The following FOXP1 variants were observed in gnomAD, a reference collection of about 807,000 sequenced individuals.
The protein encoded by FOXP1 is forkhead box protein P1.
A neutral mutation model predicts 98.2 loss-of-function variants in FOXP1; 15 were observed. The ratio of observed to expected loss-of-function variants is 0.15; its 90% CI spans 0.10 to 0.24. FOXP1 has a LOEUF of 0.24. Ranked by LOEUF, FOXP1 falls within the 10% of genes least tolerant of loss-of-function variation. The pLI is 1.00. For missense variants in FOXP1, 633 were observed against 848.5 expected, an observed-to-expected ratio of 0.75 and a Z score of 3.15; for synonymous variants, 371 against 314.5, an observed-to-expected ratio of 1.18 and a Z score of -1.90.
intron 6 of FOXP1, among the ~76,000 whole-genome samples, chr3:71,171,376 G>C (rs144383021): frequency 2.0e-5 from 3 of 152,084 alleles, no homozygotes; most frequent in Admixed American, 2.0e-4. Context: ...ATCATTGTTC[G>C]CGCTGCACAT....
chr3:71,277,044 C>T (rs1252529324), intron 5 of FOXP1, among the ~76,000 whole-genome samples: 1 of 150,772 alleles, frequency 6.6e-6, no homozygotes, highest in Non-Finnish European at 1.5e-5. Flanking sequence ...CTGCAAGCTT[C>T]CCCTCCCGGA....
chr3:71,238,929 C>T (rs2067025045), intron 5 of FOXP1, among the ~76,000 whole-genome samples: 2 of 152,184 alleles, frequency 1.3e-5, no homozygotes, highest in African/African-American at 4.8e-5. Context: ...CATTTGATTT[C>T]TTTCTTATTT....
At chr3:71,375,404 G>A (rs551770418) in intron 3 of FOXP1, among the ~76,000 whole-genome samples, 2 of 152,268 alleles carry the variant, frequency 1.3e-5, no homozygotes, top group East Asian at 1.9e-4. Flanking sequence ...GCAAGAAATG[G>A]TATATGATTT....
chr3:71,302,315 G>T (rs1357611556), intron 4 of FOXP1, among the ~76,000 whole-genome samples: 3 of 152,048 alleles, frequency 2.0e-5, no homozygotes, highest in East Asian at 1.9e-4. Flanking sequence ...TACTAGCTTA[G>T]AAGAATTGGA....
chr3:70,967,714 T>TTG (rs1283368216), intron 19 of FOXP1, among the ~76,000 whole-genome samples: 33 of 137,148 alleles, frequency 2.4e-4, no homozygotes, highest in African/African-American at 8.9e-4. Flanking sequence ...TTTTTTGTTT[T>TTG]TTTTTTTTTT....
chr3:71,275,093 C>T (rs1232504667), intron 5 of FOXP1, among the ~76,000 whole-genome samples: 1 of 152,222 alleles, frequency 6.6e-6, no homozygotes, highest in Non-Finnish European at 1.5e-5. Flanking sequence ...ATTCTGTACA[C>T]AATACAATCA....
intron 4 of FOXP1, among the ~76,000 whole-genome samples, chr3:71,335,767 G>A (rs1241864811): frequency 6.6e-6 from 1 of 152,100 alleles, no homozygotes; most frequent in African/African-American, 2.4e-5. Flanking sequence ...CACTTTGGGA[G>A]GCCGAGGCAG....
At chr3:71,496,792 C>A (rs935021695) in intron 2 of FOXP1, among the ~76,000 whole-genome samples, 1 of 151,718 alleles carries the variant, frequency 6.6e-6, no homozygotes, top group African/African-American at 2.4e-5. Flanking sequence ...GGCGACAGAG[C>A]AAGACTCTGT....
intron 5 of FOXP1, among the ~76,000 whole-genome samples, chr3:71,243,497 C>T (rs1196583573): frequency 6.6e-6 from 1 of 152,098 alleles, no homozygotes; most frequent in East Asian, 1.9e-4. Context: ...TGCATTTGGA[C>T]AGGGATGTAT....
chr3:71,288,885 GGAGT>G (rs1407716657), intron 5 of FOXP1, among the ~76,000 whole-genome samples: 5 of 152,128 alleles, frequency 3.3e-5, no homozygotes, highest in African/African-American at 7.2e-5. Flanking sequence ...AAATATGATA[GGAGT>G]GAGATTCAAA....
intron 10 of FOXP1, among the ~76,000 whole-genome samples, chr3:71,044,362 G>T (rs913442765): frequency 6.6e-6 from 1 of 152,158 alleles, no homozygotes; most frequent in African/African-American, 2.4e-5. Context: ...AAGACTGAAA[G>T]AATATTTCTA....
At chr3:71,490,189 G>T (rs912674617) in intron 3 of FOXP1, among the ~76,000 whole-genome samples, 1 of 152,074 alleles carries the variant, frequency 6.6e-6, no homozygotes, top group African/African-American at 2.4e-5. Flanking sequence ...AGCAAGCCTT[G>T]GAAATGCACC....
intron 3 of FOXP1, among the ~76,000 whole-genome samples, chr3:71,459,935 T>G (rs1157715550): frequency 1.1e-4 from 16 of 151,148 alleles, no homozygotes; most frequent in African/African-American, 3.9e-4. Flanking sequence ...CATCTTCTTT[T>G]TTTTTTTTCT....
intron 6 of FOXP1, among the ~76,000 whole-genome samples, chr3:71,190,903 A>C (rs1353550100): frequency 6.6e-6 from 1 of 152,200 alleles, no homozygotes; most frequent in African/African-American, 2.4e-5. Context: ...TCATAATTAC[A>C]ATAGATTTGA....
chr3:71,189,150 A>ATAAT (rs1283069111), intron 6 of FOXP1, among the ~76,000 whole-genome samples: 4 of 152,218 alleles, frequency 2.6e-5, no homozygotes, highest in African/African-American at 9.6e-5. Flanking sequence ...CAGCTGTTTA[A>ATAAT]TAATTGCACA....
chr3:71,305,294 A>G (rs947640083), intron 4 of FOXP1, among the ~76,000 whole-genome samples: 4 of 152,148 alleles, frequency 2.6e-5, no homozygotes, highest in African/African-American at 7.2e-5. Context: ...AGCCTGGATG[A>G]TGTCTCCTCC....
intron 3 of FOXP1, among the ~76,000 whole-genome samples, chr3:71,444,178 G>A (rs2086202139): frequency 6.6e-6 from 1 of 152,162 alleles, no homozygotes; most frequent in African/African-American, 2.4e-5. Flanking sequence ...ACGTGTACTC[G>A]GCCTACTTCC....
At chr3:71,100,695 T>C (rs535654310) in intron 7 of FOXP1, among the ~76,000 whole-genome samples, 4 of 152,318 alleles carry the variant, frequency 2.6e-5, no homozygotes, top group Admixed American at 2.6e-4. Flanking sequence ...GTACACAGTA[T>C]CTGCAATTCT....
intron 4 of FOXP1, among the ~76,000 whole-genome samples, chr3:71,319,127 C>CT (rs1001429012): frequency 3.9e-5 from 6 of 152,156 alleles, no homozygotes; most frequent in Admixed American, 2.6e-4. Flanking sequence ...ACTGCCACAA[C>CT]TTTTTTTTGA....
Sources: gnomAD v4.1 joint callset for allele counts (sites outside exome capture counted in the v4.1 genomes callset) on GRCh38, gnomAD v4.1.1 for gene constraint, MANE v1.5 for transcripts, NCBI Gene and HGNC (gene_info 2026-07-23, HGNC 2026-07-21) for gene names.